SLC24A2: variants seen among roughly 807,000 people sequenced by gnomAD.
SLC24A2 encodes solute carrier family 24 member 2, also known as sodium/potassium/calcium exchanger 2.
A neutral mutation model predicts 62.0 loss-of-function variants in SLC24A2; 36 were observed. The observed-to-expected ratio is 0.58, with a 90% CI of 0.44 to 0.77. The LOEUF (loss-of-function observed/expected upper bound fraction) is 0.77. Among genes scored for constraint, SLC24A2 ranks in the 30% least tolerant of loss-of-function variants. The probability of loss-of-function intolerance (pLI) is 0.00; values close to 1 mark genes in which losing one functional copy is unlikely to be tolerated. For synonymous variants in SLC24A2, 358 were observed against 294.0 expected (o/e 1.22, Z -2.23); for missense variants, 846 against 817.9 (o/e 1.03, Z -0.42).
At chr9:19,551,766 G>A (rs1378878332) in intron 7 of SLC24A2, among the ~76,000 whole-genome samples, 1 of 152,170 alleles carries the variant, frequency 6.6e-6, no homozygotes, top group Non-Finnish European at 1.5e-5. Context: ...CTGGGTGAGA[G>A]GCCGGGCTCA....
chr9:19,739,186 A>C (rs1326275670), intron 2 of SLC24A2, among the ~76,000 whole-genome samples: 1 of 152,244 alleles, frequency 6.6e-6, no homozygotes, highest in Non-Finnish European at 1.5e-5. Flanking sequence ...AAAAAACTAC[A>C]TTATTTACAG....
the SLC24A2 span, among the ~76,000 whole-genome samples, chr9:19,947,975 T>C: frequency 2.3e-3 from 349 of 152,280 alleles, 7 homozygotes; most frequent in East Asian, 0.06. Flanking sequence ...CTCACCCTAA[T>C]TGCCTCTTTG....
the SLC24A2 span, among the ~76,000 whole-genome samples, chr9:19,903,417 A>T: frequency 1.3e-5 from 2 of 152,286 alleles, no homozygotes; most frequent in East Asian, 3.9e-4. Flanking sequence ...TCTAGATCTA[A>T]TTATCTCCCA....
the SLC24A2 span, among the ~76,000 whole-genome samples, chr9:19,826,394 G>T: frequency 6.6e-6 from 1 of 152,082 alleles, no homozygotes; most frequent in African/African-American, 2.4e-5. Context: ...GATCTTCTGG[G>T]ACTTGAGGTA....
At chr9:19,704,728 A>G (rs1049266198) in intron 2 of SLC24A2, among the ~76,000 whole-genome samples, 2 of 152,064 alleles carry the variant, frequency 1.3e-5, no homozygotes, top group Non-Finnish European at 2.9e-5. Context: ...AGAATTTTCC[A>G]CTAAGTGTGA....
chr9:20,269,577 G>A, the SLC24A2 span, among the ~76,000 whole-genome samples: 2 of 152,120 alleles, frequency 1.3e-5, no homozygotes, highest in Admixed American at 1.3e-4. Context: ...TGCTTTTCAT[G>A]TACCCCTGAT....
chr9:20,137,861 A>G, the SLC24A2 span, among the ~76,000 whole-genome samples: 4 of 152,350 alleles, frequency 2.6e-5, no homozygotes, highest in Non-Finnish European at 5.9e-5. Flanking sequence ...TTCAGAAAAC[A>G]TATCTCACTC....
chr9:19,570,990 G>T (rs975350861), intron 7 of SLC24A2, among the ~76,000 whole-genome samples: 1 of 152,192 alleles, frequency 6.6e-6, no homozygotes, highest in African/African-American at 2.4e-5. Flanking sequence ...CCACAGCTCT[G>T]CTCAGAGAGG....
the SLC24A2 span, among the ~76,000 whole-genome samples, chr9:19,842,849 C>T: frequency 5.3e-5 from 8 of 152,208 alleles, no homozygotes; most frequent in South Asian, 1.7e-3. Context: ...CACTAAGCTT[C>T]CACTAAGCTC....
chr9:19,789,037 T>C lies in SLC24A2; in HGVS notation c.-306A>G. On this transcript the variant is annotated 5_prime_UTR_variant, in exon 1 of 11. Transcript: ENST00000341998. ...AGCCGGGCTGGGTTCGGGAGGAGAC[T>C]GAGCCGCTGTGAGCCCGGCGCTCCG... The C allele has an allele frequency of 1.4e-6, 1 of 715,650 alleles. No homozygotes were observed. The highest frequency in any genetic ancestry group is 1.7e-6 in the Non-Finnish European group (1 of 583,156). 44.3% of individuals were successfully genotyped at this position (715,650 alleles called of 1,614,324 possible).
At chr9:19,657,369 T>C (rs914051132) in intron 2 of SLC24A2, among the ~76,000 whole-genome samples, 4 of 152,198 alleles carry the variant, frequency 2.6e-5, no homozygotes, top group East Asian at 1.9e-4. Context: ...GTATTCTTTT[T>C]TTCATGTTTT....
intron 4 of SLC24A2, among the ~76,000 whole-genome samples, chr9:19,607,082 G>C (rs1258214673): frequency 1.3e-5 from 2 of 152,182 alleles, no homozygotes; most frequent in Non-Finnish European, 2.9e-5. Flanking sequence ...TAAACACTCA[G>C]AGGTGTCTTT....
the SLC24A2 span, among the ~76,000 whole-genome samples, chr9:19,909,929 A>G: frequency 9.0e-4 from 137 of 152,214 alleles, 2 homozygotes; most frequent in African/African-American, 3.0e-3. Context: ...TCTTCCTGCA[A>G]ACATGTTCAA....
At chr9:19,521,504 A>T in intron 9 of SLC24A2, among the ~76,000 whole-genome samples, 1 of 152,328 alleles carries the variant, frequency 6.6e-6, no homozygotes, top group Non-Finnish European at 1.5e-5. Flanking sequence ...CTCCTTTAGC[A>T]TCTCCTAGTG....
chr9:19,761,058 T>C (rs1352367360), intron 2 of SLC24A2, among the ~76,000 whole-genome samples: 1 of 152,132 alleles, frequency 6.6e-6, no homozygotes, highest in African/African-American at 2.4e-5. Context: ...ACTTAAAGTA[T>C]AATAAAAAAA....
the SLC24A2 span, among the ~76,000 whole-genome samples, chr9:19,820,296 A>C: frequency 6.7e-6 from 1 of 149,046 alleles, no homozygotes; most frequent in Non-Finnish European, 1.5e-5. Flanking sequence ...GAAGAGTGGG[A>C]GGGGGCAAGG....
At chr9:19,722,529 T>TTA (rs1821056795) in intron 2 of SLC24A2, among the ~76,000 whole-genome samples, 1 of 151,994 alleles carries the variant, frequency 6.6e-6, no homozygotes, top group Non-Finnish European at 1.5e-5. Context: ...AAGTGCAGGA[T>TTA]AAGTCAAGAT....
At chr9:20,070,262 A>G in the SLC24A2 span, among the ~76,000 whole-genome samples, 1 of 152,124 alleles carries the variant, frequency 6.6e-6, no homozygotes, top group Non-Finnish European at 1.5e-5. Flanking sequence ...CCACACTGAA[A>G]AACCTGCCTT....
chr9:19,847,926 C>T, the SLC24A2 span, among the ~76,000 whole-genome samples: 74 of 152,290 alleles, frequency 4.9e-4, no homozygotes, highest in Non-Finnish European at 9.6e-4. Context: ...AGACAAGGCT[C>T]TCAGCCTCGG....
Sources: gnomAD v4.1 joint callset for allele counts (sites outside exome capture counted in the v4.1 genomes callset) on GRCh38, gnomAD v4.1.1 for gene constraint, MANE v1.5 for transcripts, NCBI Gene and HGNC (gene_info 2026-07-23, HGNC 2026-07-21) for gene names.